Variants in LDLRAD4 observed in about 807,000 individuals in gnomAD.
The protein encoded by LDLRAD4 is low density lipoprotein receptor class A domain containing 4.
LDLRAD4 carries 5 observed loss-of-function variants against 17.0 expected under a neutral mutation model. The ratio of observed to expected loss-of-function variants is 0.29; its 90% CI spans 0.15 to 0.62. The LOEUF is 0.62. Among genes scored for constraint, LDLRAD4 ranks in the 20% least tolerant of loss-of-function variants. The pLI is 0.84. For synonymous variants in LDLRAD4, 168 were observed against 171.8 expected, an observed-to-expected ratio of 0.98 and a Z score of 0.17; for missense variants, 340 against 424.7, an observed-to-expected ratio of 0.80 and a Z score of 1.75.
chr18:13,384,947 G>A (rs1418215796), intron 1 of LDLRAD4, among the ~76,000 whole-genome samples: 2 of 152,214 alleles, frequency 1.3e-5, no homozygotes, highest in Non-Finnish European at 2.9e-5. Context: ...AAATGAACAC[G>A]GGAGTGTAGA....
chr18:13,233,462 T>C (rs2042182984), intron 1 of LDLRAD4, among the ~76,000 whole-genome samples: 1 of 152,162 alleles, frequency 6.6e-6, no homozygotes, highest in Non-Finnish European at 1.5e-5. Context: ...ATATTCTCCA[T>C]CCTGTGACCT....
intron 3 of LDLRAD4, among the ~76,000 whole-genome samples, chr18:13,445,811 A>C (rs1364371008): frequency 6.8e-6 from 1 of 146,416 alleles, no homozygotes; most frequent in Non-Finnish European, 1.5e-5. Context: ...TATGTGCATG[A>C]GTGTGTGTGT....
intron 2 of LDLRAD4, among the ~76,000 whole-genome samples, chr18:13,435,056 C>G (rs1014617271): frequency 6.6e-6 from 1 of 152,232 alleles, no homozygotes; most frequent in African/African-American, 2.4e-5. Context: ...GGCCTTTCTC[C>G]TAGGGTTATC....
At chr18:13,433,822 T>C (rs1203764667) in intron 2 of LDLRAD4, among the ~76,000 whole-genome samples, 2 of 152,214 alleles carry the variant, frequency 1.3e-5, no homozygotes, top group Non-Finnish European at 2.9e-5. Flanking sequence ...GGACATTCCC[T>C]TTCTCTGAAT....
chr18:13,421,596 A>G (rs573627608), intron 2 of LDLRAD4, among the ~76,000 whole-genome samples: 1 of 152,030 alleles, frequency 6.6e-6, no homozygotes, highest in Non-Finnish European at 1.5e-5. Flanking sequence ...GTAGCCGAGA[A>G]TAGAAGCTTC....
intron 2 of LDLRAD4, among the ~76,000 whole-genome samples, chr18:13,430,564 C>A (rs190367605): frequency 1.9e-4 from 29 of 152,118 alleles, no homozygotes; most frequent in African/African-American, 6.8e-4. Context: ...AAGTTAGGGC[C>A]CCCAGAGGTG....
intron 2 of LDLRAD4, among the ~76,000 whole-genome samples, chr18:13,396,518 G>A (rs961574362): frequency 4.6e-5 from 7 of 152,200 alleles, no homozygotes; most frequent in African/African-American, 1.7e-4. Flanking sequence ...GGGTCTTGCT[G>A]TGTCACCCAG....
intron 3 of LDLRAD4, chr18:13,488,500 G>GCCAGC (rs1555710425): frequency 6.6e-6 from 1 of 152,250 alleles, no homozygotes; most frequent in Non-Finnish European, 1.5e-5. Flanking sequence ...CTTGTAACCA[G>GCCAGC]CCAGCGACAG....
chr18:13,220,951 G>A (rs907680511), intron 1 of LDLRAD4, among the ~76,000 whole-genome samples: 2 of 152,188 alleles, frequency 1.3e-5, no homozygotes, highest in Non-Finnish European at 2.9e-5. Context: ...ACTGCTCTAC[G>A]TCATCACGTA....
intron 3 of LDLRAD4, among the ~76,000 whole-genome samples, chr18:13,443,534 C>T (rs528940619): frequency 1.3e-5 from 2 of 152,262 alleles, no homozygotes; most frequent in Admixed American, 1.3e-4. Flanking sequence ...CATATTTCTC[C>T]AGTTGTGTTA....
chr18:13,288,654 G>A (rs536474899), intron 1 of LDLRAD4, among the ~76,000 whole-genome samples: 25 of 149,644 alleles, frequency 1.7e-4, no homozygotes, highest in African/African-American at 6.0e-4. Context: ...GGTGAGTCAC[G>A]GGGCCACGGT....
At chr18:13,543,099 C>A (rs2094309838) in intron 3 of LDLRAD4, 1 of 152,170 alleles carries the variant, frequency 6.6e-6, no homozygotes, top group African/African-American at 2.4e-5. Flanking sequence ...ATGTAAGTTT[C>A]CTAAGGATTT....
In LDLRAD4 at chr18:13,367,251, A is replaced by G. The variant is rs2084123554; in HGVS notation, c.-382-20090A>G. ...GGAATCTTTGAAATAAACTCCTCAGATGATTTTGGTTCACACAGAGTCAGA... is the reference window on the plus strand; with the variant it reads ...GGAATCTTTGAAATAAACTCCTCAGGTGATTTTGGTTCACACAGAGTCAGA... On this transcript the variant is annotated intron_variant, in intron 1 of 5. Transcript: ENST00000359446. The surrounding 1 kb of genome is among the most constrained non-coding windows in gnomAD (Gnocchi z 4.1). 6.6e-6 allele frequency among the ~76,000 whole-genome samples: 1 copy of G among 152,110 alleles called. No homozygotes were observed. The highest frequency in any genetic ancestry group is 2.4e-5 in the African/African-American group (1 of 41,402).
chr18:13,450,463 T>C (rs1289972207), intron 3 of LDLRAD4, among the ~76,000 whole-genome samples: 2 of 152,186 alleles, frequency 1.3e-5, no homozygotes, highest in East Asian at 1.9e-4. Flanking sequence ...TTTGGGGTAG[T>C]CACTTGTGGA....
chr18:13,257,056 A>C (rs2043545226), intron 1 of LDLRAD4, among the ~76,000 whole-genome samples: 1 of 152,242 alleles, frequency 6.6e-6, no homozygotes, highest in South Asian at 2.1e-4. Flanking sequence ...AATGGTTTGT[A>C]TTCAGAGCTG....
At chr18:13,611,770 G>A in intron 3 of LDLRAD4, 1 of 985,664 alleles carries the variant, frequency 1.0e-6, no homozygotes, top group Non-Finnish European at 1.2e-6. Context: ...ATGAATGGGA[G>A]AGCCAAGAGG....
chr18:13,590,047 GTGCATGTGTGTGAC>G (rs935601525), intron 3 of LDLRAD4, among the ~76,000 whole-genome samples: 11 of 151,582 alleles, frequency 7.3e-5, no homozygotes, highest in South Asian at 4.3e-4. Context: ...GTGTGTGAGT[GTGCATGTGTGTGAC>G]TGCATGTGTG....
intron 1 of LDLRAD4, among the ~76,000 whole-genome samples, chr18:13,234,488 G>A (rs2042238390): frequency 6.7e-6 from 1 of 149,976 alleles, no homozygotes; most frequent in African/African-American, 2.5e-5. Context: ...TGGACTGTGA[G>A]CAGGCACCTG....
At chr18:13,320,451 C>G (rs2081158660) in intron 1 of LDLRAD4, among the ~76,000 whole-genome samples, 1 of 152,220 alleles carries the variant, frequency 6.6e-6, no homozygotes, top group South Asian at 2.1e-4. Flanking sequence ...GCCTGCTGCT[C>G]TCCCCCTGGG....
Sources: allele counts gnomAD v4.1 joint callset (sites outside exome capture counted in the v4.1 genomes callset), GRCh38; gene constraint gnomAD v4.1.1; non-coding constraint Gnocchi (gnomAD v3.1); transcripts MANE v1.5; gene names NCBI Gene and HGNC (gene_info 2026-07-23, HGNC 2026-07-21).